LTN1: variants seen among roughly 807,000 people sequenced by gnomAD.
LTN1 encodes the protein E3 ubiquitin-protein ligase listerin.
In LTN1, 88 loss-of-function variants were observed where a neutral mutation model predicts 201.2. The observed-to-expected ratio is 0.44, with a 90% CI of 0.37 to 0.52. LTN1 has a LOEUF of 0.52. Among genes scored for constraint, LTN1 ranks in the 20% least tolerant of loss-of-function variants. The pLI is 0.00. For synonymous variants in LTN1, 645 were observed against 713.5 expected, an observed-to-expected ratio of 0.90 and a Z score of 1.53; for missense variants, 1,752 against 2,038.7, an observed-to-expected ratio of 0.86 and a Z score of 2.71.
At chr21:28,981,558 G>T (rs1325893015) in intron 5 of LTN1, among the ~76,000 whole-genome samples, 1 of 152,184 alleles carries the variant, frequency 6.6e-6, no homozygotes. Context: ...GCTCTCGGTA[G>T]CATGTACAAG....
intron 6 of LTN1, among the ~76,000 whole-genome samples, chr21:28,978,774 TA>T (rs1339753159): frequency 6.6e-6 from 1 of 151,984 alleles, no homozygotes; most frequent in African/African-American, 2.4e-5. Flanking sequence ...TATTTAATTA[TA>T]AAAGGGACTC....
At position 28,930,315 on chromosome 21, in the gene LTN1, A is replaced by G. The variant is rs946180897; in HGVS notation, c.*133T>C. On this transcript the variant is annotated 3_prime_UTR_variant, in exon 30 of 30. Coordinates refer to ENST00000361371, the MANE Select transcript of LTN1 (RefSeq NM_015565.3). ...TGATTTTAGGATTATTACATTAACCAAAATAATTTTCCAGAGAAGGTCCTA... is the reference window on the plus strand; with the variant it reads ...TGATTTTAGGATTATTACATTAACCGAAATAATTTTCCAGAGAAGGTCCTA... 1.1e-5 allele frequency: 6 copies of G among 566,382 alleles called. No individual in the cohort carries two copies. The East Asian group carries it at 1.8e-4, about 17-fold the overall frequency. 35.1% of individuals were successfully genotyped at this position (566,382 alleles called of 1,614,324 possible). A position where few individuals can be genotyped will look rare whatever the true frequency, so the allele number is the denominator to read the frequency against.
At chr21:28,941,006 G>A (rs1226724420) in intron 25 of LTN1, among the ~76,000 whole-genome samples, 1 of 152,188 alleles carries the variant, frequency 6.6e-6, no homozygotes, top group African/African-American at 2.4e-5. Context: ...GAGCCTAGGA[G>A]GCAGAGGTTG....
At chr21:28,948,334 A>G (rs1368910395) in intron 18 of LTN1, among the ~76,000 whole-genome samples, 2 of 133,326 alleles carry the variant, frequency 1.5e-5, no homozygotes, top group Non-Finnish European at 3.1e-5. Context: ...GCAATGCACG[A>G]TCTCAGCTCA....
At chr21:28,937,282 T>A (rs921259599) in intron 25 of LTN1, among the ~76,000 whole-genome samples, 1 of 152,202 alleles carries the variant, frequency 6.6e-6, no homozygotes, top group Non-Finnish European at 1.5e-5. Flanking sequence ...ATTTTCCACA[T>A]TGACTTTGCA....
chr21:28,978,145 C>T (rs2084631181), intron 6 of LTN1, among the ~76,000 whole-genome samples: 1 of 152,100 alleles, frequency 6.6e-6, no homozygotes, highest in Non-Finnish European at 1.5e-5. Flanking sequence ...CCTCCTGCCT[C>T]AGTCTCCAAG....
chr21:28,935,446 T>C, intron 26 of LTN1, 117 bp from the exon 27 acceptor site: 2 of 658,082 alleles, frequency 3.0e-6, no homozygotes, highest in Non-Finnish European at 5.2e-6. Flanking sequence ...GTGCTATAGC[T>C]CATAAAAACA....
chr21:28,945,766 CA>C, intron 21 of LTN1, 40 bp downstream of exon 21: 1 of 1,566,154 alleles, frequency 6.4e-7, no homozygotes, highest in Non-Finnish European at 8.7e-7. Context: ...AAAGTATGTA[CA>C]AAAACCCACA....
At chr21:28,948,880 C>G (rs1483460868) in intron 18 of LTN1, among the ~76,000 whole-genome samples, 2 of 152,138 alleles carry the variant, frequency 1.3e-5, no homozygotes, top group African/African-American at 2.4e-5. Flanking sequence ...TATGTATAAA[C>G]ACCTCTTTAG....
chr21:28,984,564 C>T (rs2084682469), intron 4 of LTN1, 128 bp downstream of exon 4: 1 of 571,334 alleles, frequency 1.8e-6, no homozygotes, highest in African/African-American at 1.9e-5. Flanking sequence ...TTTAAAAAGG[C>T]AACCTTCAGT....
Position 28,971,353 on chromosome 21 carries a change from ACTGATGGG to A in LTN1, c.894_901del (p.Pro299SerfsTer3). On this transcript the variant is annotated frameshift_variant, in exon 7 of 30. Coordinates refer to ENST00000361371, the MANE Select transcript of LTN1 (RefSeq NM_015565.3). LOFTEE classifies it high-confidence loss of function. ...GTCACTGTCATCAATGCTAAGTAGA[ACTGATGGG>A]CTCACTTTGGATGCTTCCTCTTTCA... The A allele has an allele frequency of 6.2e-7, 1 of 1,614,112 alleles. No homozygotes were observed. Among genetic ancestry groups the A allele is most frequent in the Non-Finnish European group, 8.5e-7 (1 of 1,179,974 alleles).
At position 28,967,081 on chromosome 21, in the gene LTN1, T is replaced by C; in HGVS notation, c.1410A>G (p.Lys470=). 2.5e-6 allele frequency: 4 copies of C among 1,614,182 alleles called. No individual in the cohort carries two copies. Among genetic ancestry groups the C allele is most frequent in the Non-Finnish European group, 3.4e-6 (4 of 1,180,018 alleles). Residue 470 remains lysine, a synonymous_variant, in exon 10 of 30, where the codon AAA becomes AAG. Transcript: ENST00000361371. ...LAETLSSWEA[K]ADTEKDEKTA... is the part of the protein sequence containing the mutation. ...TTTTTTCATCTTTTTCCGTGTCTGC[T>C]TTGGCTTCCCAGGAACTTAGAGTTT...
intron 12 of LTN1, chr21:28,959,958 T>A (rs1032588732): frequency 6.9e-6 from 2 of 289,266 alleles, no homozygotes; most frequent in Non-Finnish European, 1.3e-5. Flanking sequence ...AAGTCATGAG[T>A]CAACTTTATG....
chr21:28,970,611 C>A lies in LTN1; in HGVS notation c.1116G>T (p.Gln372His), dbSNP rs61748614. Residue 372 changes from glutamine (Q) to histidine (H), a missense_variant, in exon 8 of 30, where the codon CAG becomes CAT. By Grantham distance (24) the Gln-to-His change is conservative. Coordinates refer to ENST00000361371, the MANE Select transcript of LTN1 (RefSeq NM_015565.3). Reference sequence around the variant, plus strand: ...AATCCAACTTTGGATTTGTGATGGACTGAGGGAGCTTGCTGATGAATGGCA... The same window carrying A: ...AATCCAACTTTGGATTTGTGATGGAATGAGGGAGCTTGCTGATGAATGGCA... ...YLLPFISKLP[Q>H]SITNPKLDFF... 28,235 of 1,613,762 alleles carry A rather than the reference C, an allele frequency of 0.017. 1,047 individuals carry two copies. The East Asian group carries it at 0.18, about 10-fold the overall frequency.
rs1184321195 is a variant in LTN1, at chr21:28,966,494, A to C, written c.1997T>G (p.Leu666Arg). ...NPAVQFLYQK[L>R]IGWLNEDQRK... is the part of the protein sequence containing the mutation. Reference sequence around the variant, plus strand: ...TTGATCTTCATTTAGCCAACCTATCAGTTTCTGGTATAAAAACTGCACCGC... The same window carrying C: ...TTGATCTTCATTTAGCCAACCTATCCGTTTCTGGTATAAAAACTGCACCGC... Residue 666 changes from leucine to arginine, a missense_variant, in exon 10 of 30, where the codon CTG (leucine) becomes CGG (arginine). Around this residue, in one of 3 missense-constraint regions of LTN1, gnomAD observed 1,211 missense variants for 1,312.8 expected, o/e 0.92. Transcript: ENST00000361371. 1.2e-5 allele frequency: 20 copies of C among 1,614,168 alleles called. No homozygotes were observed. Among genetic ancestry groups the C allele is most frequent in the Non-Finnish European group, 1.6e-5 (19 of 1,180,026 alleles).
At position 28,971,264 on chromosome 21, in the gene LTN1, T is replaced by TA. The variant is rs762472391; in HGVS notation, c.984+6dup. On this transcript the variant is annotated splice_region_variant and intron_variant, in intron 7 of 29. Coordinates refer to ENST00000361371, the MANE Select transcript of LTN1 (RefSeq NM_015565.3). ...CTCAGTGTACTAAATGTGCCTCTCTTACATACCTCAATAGTTGTAAGTGTA... is the reference window on the plus strand; with the variant it reads ...CTCAGTGTACTAAATGTGCCTCTCTTAACATACCTCAATAGTTGTAAGTGTA... The TA allele has an allele frequency of 6.2e-7, 1 of 1,608,820 alleles. No homozygotes were observed. Among genetic ancestry groups the TA allele is most frequent in the Admixed American group, 1.7e-5 (1 of 59,266 alleles).
Position 28,943,294 on chromosome 21 carries a change from C to T in LTN1, c.4263G>A (p.Lys1421=). ...ELPQYDQDNL[K]SYGDEEEEPA... The stretch of plus-strand genomic sequence containing the variant: ...GCTCTTCTTCTTCATCTCCGTATGA[C>T]TTTAGATTATCCTGATCATACTGTG... The change falls in exon 24 of 30, where the codon AAG becomes AAA. Residue 1421 remains lysine (K), a synonymous_variant. Transcript: ENST00000361371. The T allele has an allele frequency of 2.5e-6, 4 of 1,604,032 alleles. 1 individual carries two copies. The Middle Eastern group carries it at 5.0e-4, about 201-fold the overall frequency.
intron 11 of LTN1, chr21:28,961,410 G>A (rs1474115958): frequency 6.1e-6 from 1 of 164,264 alleles, no homozygotes; most frequent in Admixed American, 6.6e-5. Context: ...CATGAGGTGG[G>A]GAAGCAAGAA....
chr21:28,945,228 AAAAAAAAG>A lies in LTN1; in HGVS notation c.3768+571_3768+578del, dbSNP rs145779621. On this transcript the variant is annotated intron_variant, in intron 21 of 29. Transcript: ENST00000361371. ...AGAGCGAGATTCTATCTCAAATTTA[AAAAAAAAG>A]AAAGAAAGAAAGAAAGAAAACTGAG... is the stretch of plus-strand genomic sequence containing the variant. Among the ~76,000 whole-genome samples the A allele has an allele frequency of 5.0e-3, 759 of 151,880 alleles. 3 individuals are homozygous for A. Among genetic ancestry groups the A allele is most frequent in the African/African-American group, 0.018 (732 of 41,394 alleles).
Sources: allele counts gnomAD v4.1 joint callset (sites outside exome capture counted in the v4.1 genomes callset), GRCh38; gene constraint gnomAD v4.1.1; regional missense constraint gnomAD v4.1.1; transcripts MANE v1.5; gene names NCBI Gene and HGNC (gene_info 2026-07-23, HGNC 2026-07-21).